MTMR1: variants seen among roughly 807,000 people sequenced by gnomAD.
The protein encoded by MTMR1 is phosphatidylinositol-3-phosphate phosphatase MTMR1.
Under a neutral mutation model 51.6 loss-of-function variants are expected in MTMR1, and 17 were observed. That is an observed-to-expected ratio of 0.33 (90% CI 0.23 to 0.49). MTMR1 has a LOEUF of 0.49. Ranked by LOEUF, MTMR1 falls within the 20% of genes least tolerant of loss-of-function variation. MTMR1 has a pLI of 0.99. For missense variants in MTMR1, 386 were observed against 526.9 expected (o/e 0.73, Z 2.62); for synonymous variants, 201 against 205.6 (o/e 0.98, Z 0.19).
At chrX:150,696,459 T>C (rs1557415742) in intron 1 of MTMR1, among the ~76,000 whole-genome samples, 2 of 111,788 alleles carry the variant, frequency 1.8e-5, no homozygotes, top group African/African-American at 6.5e-5. Flanking sequence ...TTGCCAAAGA[T>C]CATGGAGTTA....
chrX:150,717,794 C>T (rs1211647876), intron 3 of MTMR1, among the ~76,000 whole-genome samples: 1 of 112,465 alleles, frequency 8.9e-6, no homozygotes, highest in Non-Finnish European at 1.9e-5. Flanking sequence ...ATTTTTCTGG[C>T]CATCTAAGGT....
At chrX:150,761,373 G>A (rs782814830) in intron 15 of MTMR1, among the ~76,000 whole-genome samples, 11 of 112,006 alleles carry the variant, frequency 9.8e-5, no homozygotes, top group Middle Eastern at 4.6e-3. Context: ...GCCCCCTTGC[G>A]GTCTCGCTCT....
chrX:150,731,361 A>C, intron 8 of MTMR1, 109 bp from the exon 9 acceptor site: 3 of 652,616 alleles, frequency 4.6e-6, no homozygotes. Context: ...AATAAATTAT[A>C]AACGGATTTT....
At chrX:150,700,074 T>A (rs1287627238) in intron 2 of MTMR1, among the ~76,000 whole-genome samples, 2 of 112,465 alleles carry the variant, frequency 1.8e-5, no homozygotes, top group Non-Finnish European at 3.8e-5. Flanking sequence ...TTGAGGTTTC[T>A]GTTTATTAGT....
At chrX:150,726,169 T>C (rs1557416761) in intron 4 of MTMR1, among the ~76,000 whole-genome samples, 1 of 111,392 alleles carries the variant, frequency 9.0e-6, no homozygotes, top group African/African-American at 3.3e-5. Flanking sequence ...GGCATTAGAT[T>C]CTCACAGGAG....
chrX:150,749,583 G>T (rs2042669259), intron 13 of MTMR1, among the ~76,000 whole-genome samples: 1 of 111,691 alleles, frequency 9.0e-6, no homozygotes, highest in Admixed American at 9.5e-5. Flanking sequence ...CCAGCTACTG[G>T]CTAGAACCTG....
intron 3 of MTMR1, among the ~76,000 whole-genome samples, chrX:150,717,518 C>T (rs889236111): frequency 4.5e-5 from 5 of 110,578 alleles, no homozygotes; most frequent in African/African-American, 9.9e-5. Flanking sequence ...TTTGGAATTG[C>T]TGGGGGTTCT....
chrX:150,749,973 C>T (rs921140205), intron 13 of MTMR1, among the ~76,000 whole-genome samples: 5 of 110,640 alleles, frequency 4.5e-5, no homozygotes, highest in Admixed American at 1.9e-4. Context: ...AAAAATTAGT[C>T]GGGCGTGGTG....
At chrX:150,735,575 A>C (rs1316886713) in intron 10 of MTMR1, 3 of 446,642 alleles carry the variant, frequency 6.7e-6, no homozygotes, top group Non-Finnish European at 1.2e-5. Context: ...AGGAACCTTG[A>C]AATTGGACTT....
At chrX:150,718,840 T>C (rs2041650238) in intron 4 of MTMR1, 140 bp downstream of exon 4, 1 of 521,634 alleles carries the variant, frequency 1.9e-6, no homozygotes, top group East Asian at 3.8e-5. Context: ...CTATTCATCC[T>C]CATTAGTGTC....
intron 14 of MTMR1, 190 bp downstream of exon 14, chrX:150,751,033 T>C: frequency 8.6e-7 from 1 of 1,158,286 alleles, no homozygotes; most frequent in East Asian, 3.3e-5. Context: ...TTTCTAGGCA[T>C]GGGGGGCTGG....
chrX:150,712,436 C>CT (rs2041346071), intron 3 of MTMR1, 71 bp downstream of exon 3: 1 of 979,891 alleles, frequency 1.0e-6, no homozygotes, highest in Admixed American at 2.7e-5. Context: ...AACACTTAGT[C>CT]TATTTAGTGT....
At chrX:150,753,982 T>G (rs2148668119) in intron 14 of MTMR1, among the ~76,000 whole-genome samples, 1 of 112,931 alleles carries the variant, frequency 8.9e-6, no homozygotes, top group African/African-American at 3.2e-5. Context: ...TGATCTGTTC[T>G]GAGGTAACGT....
At chrX:150,747,665 A>G (rs903389322) in intron 13 of MTMR1, among the ~76,000 whole-genome samples, 2 of 111,353 alleles carry the variant, frequency 1.8e-5, no homozygotes, top group Non-Finnish European at 3.8e-5. Context: ...TAATGCCATG[A>G]CACCCCCTGA....
intron 15 of MTMR1, among the ~76,000 whole-genome samples, chrX:150,761,156 C>T (rs954506345): frequency 9.0e-6 from 1 of 110,622 alleles, no homozygotes; most frequent in Non-Finnish European, 1.9e-5. Flanking sequence ...ATTAAATGAT[C>T]CTACAGACAG....
chrX:150,751,141 A>C (rs782674100), intron 14 of MTMR1: 38 of 962,770 alleles, frequency 3.9e-5, no homozygotes, highest in Non-Finnish European at 4.9e-5. Flanking sequence ...CCAACTCCAA[A>C]ACCGTGGGAT....
Position 150,759,913 on chromosome X carries a change from G to A in MTMR1, c.1858-2652G>A, listed in dbSNP as rs1379996926. ...GTTGAAATCTTGCTGCCCAGTGCGT[G>A]TAGTTGTGGAAGGATGCCCCCGACA... On this transcript the variant is annotated intron_variant, in intron 15 of 15. Transcript: ENST00000445323. Among the ~76,000 whole-genome samples, 3 of 109,510 alleles carry A rather than the reference G, an allele frequency of 2.7e-5. No homozygotes were observed. The East Asian group carries it at 8.4e-4, about 31-fold the overall frequency.
chrX:150,744,903 C>A (rs2042534142), intron 13 of MTMR1, among the ~76,000 whole-genome samples: 1 of 112,306 alleles, frequency 8.9e-6, no homozygotes. Flanking sequence ...CCCAAGGTCA[C>A]TGAGGGAAAT....
intron 6 of MTMR1, among the ~76,000 whole-genome samples, chrX:150,728,161 TAATA>T (rs1569565696): frequency 8.9e-6 from 1 of 112,289 alleles, no homozygotes; most frequent in Non-Finnish European, 1.9e-5. Flanking sequence ...TTATAATAAC[TAATA>T]CAGTGTAAAC....
Sources: gnomAD v4.1 joint callset for allele counts (sites outside exome capture counted in the v4.1 genomes callset) on GRCh38, gnomAD v4.1.1 for gene constraint, MANE v1.5 for transcripts, NCBI Gene and HGNC (gene_info 2026-07-23, HGNC 2026-07-21) for gene names.